Variants in PRKCA observed in about 807,000 individuals in gnomAD.
PRKCA encodes the protein protein kinase C alpha.
Under a neutral mutation model 87.0 loss-of-function variants are expected in PRKCA, and 27 were observed. The observed-to-expected ratio is 0.31, with a 90% CI of 0.23 to 0.43. The LOEUF (loss-of-function observed/expected upper bound fraction) is 0.43. Ranked by LOEUF, PRKCA falls within the 20% of genes least tolerant of loss-of-function variation. The pLI, the probability that PRKCA is intolerant of heterozygous loss-of-function variation, is 1.00. For missense variants in PRKCA, 518 were observed against 852.3 expected, an observed-to-expected ratio of 0.61 and a Z score of 4.88; for synonymous variants, 329 against 311.1, an observed-to-expected ratio of 1.06 and a Z score of -0.61.
intron 2 of PRKCA, among the ~76,000 whole-genome samples, chr17:66,361,495 G>C (rs1185295915): frequency 6.6e-6 from 1 of 151,914 alleles, no homozygotes; most frequent in African/African-American, 2.4e-5. Flanking sequence ...TATTTTAGTA[G>C]AGATGAGGTT....
rs1349633409 is a variant in PRKCA at position 66,743,413 on chromosome 17, G to A, written c.1524+653G>A. 3.3e-5 allele frequency among the ~76,000 whole-genome samples: 5 copies of A among 152,202 alleles called. No homozygotes were observed. The East Asian group carries it at 9.6e-4, about 29-fold the overall frequency. On this transcript the variant is annotated intron_variant, in intron 13 of 16. Coordinates refer to ENST00000413366, the MANE Select transcript of PRKCA (RefSeq NM_002737.3). ...GGGGTGAGACGGGGGTTGCAGTGAT[G>A]GTGTATTAGCAGCATCGCGGTGATG...
At chr17:66,342,692 CA>C (rs1395345842) in intron 2 of PRKCA, among the ~76,000 whole-genome samples, 1 of 152,016 alleles carries the variant, frequency 6.6e-6, no homozygotes, top group Non-Finnish European at 1.5e-5. Context: ...TGCTGGTGTC[CA>C]CATCTTTGAT....
intron 3 of PRKCA, chr17:66,554,618 T>G (rs1244126545): frequency 1.2e-6 from 1 of 828,488 alleles, no homozygotes; most frequent in South Asian, 5.6e-5. Flanking sequence ...GGACTTTTTT[T>G]TGGTGGGGGG....
rs56319847 is a variant in PRKCA, at chr17:66,746,154, C to CTT, written c.1524+3420_1524+3421dup. On this transcript the variant is annotated intron_variant, in intron 13 of 16. Transcript: ENST00000413366. ...TTGTTTCACCTTTTTTGTTGCCTTG[C>CTT]TTTTTTTTTTTTTTTTTTTTTTTTT... 3.6e-3 allele frequency among the ~76,000 whole-genome samples: 234 copies of CTT among 64,238 alleles called. 23 individuals are homozygous for CTT. Among genetic ancestry groups the CTT allele is most frequent in the African/African-American group, 0.013 (182 of 14,284 alleles). 42.1% of individuals were successfully genotyped at this position (64,238 alleles called of 152,430 possible). A position where few individuals can be genotyped will look rare whatever the true frequency, so the allele number is the denominator to read the frequency against.
At chr17:66,366,345 C>T (rs1003507158) in intron 2 of PRKCA, among the ~76,000 whole-genome samples, 13 of 152,136 alleles carry the variant, frequency 8.5e-5, no homozygotes, top group Non-Finnish European at 1.8e-4. Flanking sequence ...ACACCATTTT[C>T]TGAGGCTTTT....
At chr17:66,506,821 T>C (rs1490504996) in intron 3 of PRKCA, among the ~76,000 whole-genome samples, 1 of 152,168 alleles carries the variant, frequency 6.6e-6, no homozygotes, top group Non-Finnish European at 1.5e-5. Context: ...GTATGATGGA[T>C]TCCTTGTTTA....
Position 66,810,343 on chromosome 17 carries a change from AAATT to A in PRKCA, c.*6309_*6312del, listed in dbSNP as rs1371848820. 1 of 152,236 alleles carries A rather than the reference AAATT, an allele frequency of 6.6e-6. No individual in the cohort carries two copies. Among genetic ancestry groups the A allele is most frequent in the African/African-American group, 2.4e-5 (1 of 41,458 alleles). The allele number at this position is 152,236 out of a possible 1,614,324, so 9.4% of individuals were successfully genotyped here. On this transcript the variant is annotated 3_prime_UTR_variant, in exon 17 of 17. Transcript: ENST00000413366. Reference sequence around the variant, plus strand: ...TATTTTGAGTCTAAAGGTTTTCTAAAAATTAACCTCACATCCCTTCTGTTAGGGT... The same window carrying A: ...TATTTTGAGTCTAAAGGTTTTCTAAAAACCTCACATCCCTTCTGTTAGGGT...
intron 2 of PRKCA, among the ~76,000 whole-genome samples, chr17:66,441,432 G>GC (rs1913751137): frequency 1.6e-5 from 1 of 63,712 alleles, no homozygotes; most frequent in Non-Finnish European, 3.2e-5. Flanking sequence ...GGATCCCTGA[G>GC]GGGGAACCTA....
intron 8 of PRKCA, among the ~76,000 whole-genome samples, chr17:66,716,575 A>G (rs2036971211): frequency 1.3e-5 from 2 of 152,194 alleles, no homozygotes; most frequent in Admixed American, 6.5e-5. Flanking sequence ...CCGCCTTTCC[A>G]GGAGGTGTTT....
chr17:66,562,114 ATAAT>A (rs1194641970), intron 3 of PRKCA, among the ~76,000 whole-genome samples: 2 of 114,878 alleles, frequency 1.7e-5, no homozygotes, highest in African/African-American at 3.5e-5. Flanking sequence ...AATTATATAT[ATAAT>A]TAAATATATA....
chr17:66,785,953 C>T (rs1485565660), intron 14 of PRKCA, among the ~76,000 whole-genome samples: 2 of 152,184 alleles, frequency 1.3e-5, no homozygotes, highest in African/African-American at 2.4e-5. Flanking sequence ...CTCAGCCTCC[C>T]CAGTAGCTGG....
chr17:66,808,401 C>T lies in PRKCA; in HGVS notation c.*4364C>T, dbSNP rs1976088645. ...GACAATCTTGTATTTTTAAAAGCCTCGGAAAGGTGATACCATCTGACAGTC... is the reference window on the plus strand; with the variant it reads ...GACAATCTTGTATTTTTAAAAGCCTTGGAAAGGTGATACCATCTGACAGTC... On this transcript the variant is annotated 3_prime_UTR_variant, in exon 17 of 17. Coordinates refer to ENST00000413366, the MANE Select transcript of PRKCA (RefSeq NM_002737.3). The T allele has an allele frequency of 1.4e-5, 2 of 144,588 alleles. No individual in the cohort carries two copies. The highest frequency in any genetic ancestry group is 2.2e-4 in the South Asian group (1 of 4,486). The allele number at this position is 144,588 out of a possible 1,614,324, so 9.0% of individuals were successfully genotyped here.
chr17:66,393,572 T>C (rs1379730363), intron 2 of PRKCA, among the ~76,000 whole-genome samples: 1 of 151,966 alleles, frequency 6.6e-6, no homozygotes, highest in African/African-American at 2.4e-5. Flanking sequence ...AGAGCCTGGG[T>C]GTGTGCAGAG....
At chr17:66,770,571 G>A (rs188419167) in intron 13 of PRKCA, among the ~76,000 whole-genome samples, 1 of 152,204 alleles carries the variant, frequency 6.6e-6, no homozygotes, top group African/African-American at 2.4e-5. Flanking sequence ...GATCAGCAAT[G>A]CCCCCTGACT....
intron 2 of PRKCA, among the ~76,000 whole-genome samples, chr17:66,467,676 A>G (rs73332639): frequency 0.012 from 1,882 of 151,990 alleles, 35 homozygotes; most frequent in African/African-American, 0.042. Context: ...TCCTGCTTCA[A>G]CCTCCTGAGT....
Position 66,803,777 on chromosome 17 carries a change from C to T in PRKCA, c.1855-96C>T. On this transcript the variant is annotated intron_variant, in intron 16 of 16. Coordinates refer to ENST00000413366, the MANE Select transcript of PRKCA (RefSeq NM_002737.3). This position sits in a 1 kb window ranked among gnomAD's most constrained non-coding sequence, Gnocchi z 4.4. ...CTCCTCCTAACCAGCCCGGAGTTCC[C>T]CAGGGCCGTGCCCCTCCCCAGAGAG... 1.3e-6 allele frequency: 2 copies of T among 1,527,204 alleles called. No homozygotes were observed. Among genetic ancestry groups the T allele is most frequent in the Non-Finnish European group, 1.8e-6 (2 of 1,131,336 alleles). 94.6% of individuals were successfully genotyped at this position (1,527,204 alleles called of 1,614,324 possible). A position where few individuals can be genotyped will look rare whatever the true frequency, so the allele number is the denominator to read the frequency against.
At chr17:66,628,543 T>C (rs1970921976) in intron 3 of PRKCA, among the ~76,000 whole-genome samples, 1 of 152,224 alleles carries the variant, frequency 6.6e-6, no homozygotes, top group Non-Finnish European at 1.5e-5. Context: ...AAAATGTTAA[T>C]GTGTATATAC....
intron 3 of PRKCA, among the ~76,000 whole-genome samples, chr17:66,623,649 G>T (rs10451278): frequency 0.033 from 5,092 of 152,212 alleles, 270 homozygotes; most frequent in African/African-American, 0.11. Flanking sequence ...TCCCTGCTAC[G>T]TGTAGAATTT....
intron 2 of PRKCA, among the ~76,000 whole-genome samples, chr17:66,447,231 C>A (rs1914077942): frequency 6.6e-6 from 1 of 152,056 alleles, no homozygotes; most frequent in South Asian, 2.1e-4. Context: ...GGGATGGTGA[C>A]AGAGTGAGAG....
Sources: gnomAD v4.1 joint callset for allele counts (sites outside exome capture counted in the v4.1 genomes callset) on GRCh38, gnomAD v4.1.1 for gene constraint, Gnocchi (gnomAD v3.1) non-coding constraint, MANE v1.5 for transcripts, NCBI Gene and HGNC (gene_info 2026-07-23, HGNC 2026-07-21) for gene names.